The following KCNH8 variants were observed in gnomAD, a reference collection of about 807,000 sequenced individuals.
KCNH8 encodes voltage-gated delayed rectifier potassium channel KCNH8.
KCNH8 carries 70 observed loss-of-function variants against 103.6 expected under a neutral mutation model. The observed-to-expected ratio is 0.68, with a 90% CI of 0.56 to 0.82. KCNH8 has a LOEUF of 0.82. Ranked by LOEUF, KCNH8 falls within the 40% of genes least tolerant of loss-of-function variation. KCNH8 has a pLI of 0.00. For synonymous variants in KCNH8, 498 were observed against 489.4 expected (o/e 1.02, Z -0.23); for missense variants, 1,217 against 1,329.9 (o/e 0.92, Z 1.32).
rs150199369 is a variant in KCNH8 at position 19,457,742 on chromosome 3, T to C, written c.2040+760T>C. 4.4e-3 allele frequency among the ~76,000 whole-genome samples: 676 copies of C among 152,124 alleles called. 6 individuals carry two copies. Among genetic ancestry groups the C allele is most frequent in the South Asian group, 0.019 (94 of 4,828 alleles). ...CCCAGATATTTGTAACTCTTGATTT[T>C]TTTCCTATGTACTTAAGAAGCTATG... is the stretch of plus-strand genomic sequence containing the variant. On this transcript the variant is annotated intron_variant, in intron 11 of 15. Coordinates refer to ENST00000328405, the MANE Select transcript of KCNH8 (RefSeq NM_144633.3).
chr3:19,172,936 A>G (rs1298853424), intron 1 of KCNH8, among the ~76,000 whole-genome samples: 2 of 152,018 alleles, frequency 1.3e-5, no homozygotes, highest in Non-Finnish European at 2.9e-5. Context: ...TCTTGGATGT[A>G]TGTTATTGAA....
At chr3:19,392,325 A>AAG (rs1323508352) in intron 6 of KCNH8, among the ~76,000 whole-genome samples, 1 of 150,358 alleles carries the variant, frequency 6.7e-6, no homozygotes, top group Non-Finnish European at 1.5e-5. Flanking sequence ...TGTCAAAAAA[A>AAG]AAAAAAAAAG....
intron 5 of KCNH8, among the ~76,000 whole-genome samples, chr3:19,351,077 A>G (rs1437278508): frequency 1.3e-5 from 2 of 152,090 alleles, no homozygotes; most frequent in Non-Finnish European, 2.9e-5. Context: ...CATGAGAACT[A>G]TATGACGCAT....
chr3:19,433,758 T>C (rs1349969972), intron 7 of KCNH8, among the ~76,000 whole-genome samples: 3 of 152,236 alleles, frequency 2.0e-5, no homozygotes, highest in Admixed American at 6.5e-5. Flanking sequence ...AAGTCGTAAC[T>C]GCTTTCCTGT....
chr3:19,528,680 C>T (rs575470425), intron 15 of KCNH8, among the ~76,000 whole-genome samples: 3 of 152,010 alleles, frequency 2.0e-5, no homozygotes, highest in South Asian at 4.2e-4. Flanking sequence ...GCAACTTTCC[C>T]CTAAAATATT....
intron 11 of KCNH8, among the ~76,000 whole-genome samples, chr3:19,508,690 T>G (rs6797877): frequency 1.1e-3 from 175 of 152,308 alleles, no homozygotes; most frequent in African/African-American, 4.1e-3. Context: ...CAGTATTACC[T>G]GGGAGCTAAC....
At chr3:19,362,238 A>C (rs1339979329) in intron 5 of KCNH8, among the ~76,000 whole-genome samples, 1 of 152,194 alleles carries the variant, frequency 6.6e-6, no homozygotes, top group Non-Finnish European at 1.5e-5. Flanking sequence ...CTTCATAAAG[A>C]AAATAAAAAT....
chr3:19,504,160 C>A (rs1189699494), intron 11 of KCNH8, among the ~76,000 whole-genome samples: 2 of 152,018 alleles, frequency 1.3e-5, no homozygotes, highest in African/African-American at 4.8e-5. Context: ...TGGAACTGGA[C>A]CCCTTTCTTT....
chr3:19,207,171 A>C (rs901187020), intron 1 of KCNH8, among the ~76,000 whole-genome samples: 4 of 152,054 alleles, frequency 2.6e-5, no homozygotes, highest in African/African-American at 9.7e-5. Flanking sequence ...AAGAGTATAC[A>C]GCAGGAGAGA....
chr3:19,241,754 G>C (rs539875552), intron 1 of KCNH8, among the ~76,000 whole-genome samples: 4 of 146,224 alleles, frequency 2.7e-5, no homozygotes, highest in Non-Finnish European at 5.9e-5. Flanking sequence ...ACACACACAT[G>C]CTTGATAGAA....
chr3:19,520,100 T>TTTAAG (rs1420473714), intron 15 of KCNH8, among the ~76,000 whole-genome samples: 3 of 151,628 alleles, frequency 2.0e-5, no homozygotes, highest in Non-Finnish European at 4.4e-5. Context: ...TAAATTATAC[T>TTTAAG]TTAAGTTCTG....
At chr3:19,465,989 C>A (rs929874386) in intron 11 of KCNH8, among the ~76,000 whole-genome samples, 2 of 152,026 alleles carry the variant, frequency 1.3e-5, no homozygotes, top group Non-Finnish European at 2.9e-5. Context: ...GGCTGGAGTG[C>A]GGTGGCATGA....
intron 5 of KCNH8, among the ~76,000 whole-genome samples, chr3:19,363,415 A>T (rs1559493095): frequency 6.6e-6 from 1 of 152,142 alleles, no homozygotes; most frequent in Admixed American, 6.6e-5. Context: ...CACAACTGGG[A>T]CTTCCAGTAA....
chr3:19,346,447 C>A (rs1382797308), intron 4 of KCNH8, among the ~76,000 whole-genome samples: 5 of 151,980 alleles, frequency 3.3e-5, no homozygotes, highest in African/African-American at 1.2e-4. Context: ...AGTGACCCAC[C>A]ACGAAGTACT....
chr3:19,356,033 AG>A (rs1380622473), intron 5 of KCNH8, among the ~76,000 whole-genome samples: 2 of 151,900 alleles, frequency 1.3e-5, no homozygotes, highest in Non-Finnish European at 1.5e-5. Flanking sequence ...TAGTACAAAA[AG>A]GGTCTAGGAA....
At chr3:19,433,160 T>G (rs970050357) in intron 7 of KCNH8, among the ~76,000 whole-genome samples, 2 of 152,184 alleles carry the variant, frequency 1.3e-5, no homozygotes, top group East Asian at 3.9e-4. Context: ...TCAACTTTTA[T>G]GTAGACTATT....
chr3:19,192,465 A>G (rs1345500637), intron 1 of KCNH8, among the ~76,000 whole-genome samples: 1 of 151,636 alleles, frequency 6.6e-6, no homozygotes, highest in African/African-American at 2.4e-5. Flanking sequence ...TTAAGGCCTT[A>G]TCTGATTGAG....
At chr3:19,532,493 C>G (rs2125255179) in intron 15 of KCNH8, among the ~76,000 whole-genome samples, 1 of 152,258 alleles carries the variant, frequency 6.6e-6, no homozygotes, top group South Asian at 2.1e-4. Context: ...CTGAAGGCCA[C>G]TTTGTCTCTG....
intron 1 of KCNH8, among the ~76,000 whole-genome samples, chr3:19,225,667 G>A (rs530823075): frequency 7.4e-4 from 112 of 152,202 alleles, no homozygotes; most frequent in African/African-American, 2.3e-3. Context: ...AAGGTGGTAC[G>A]TTTTGTTCAT....
Sources: gnomAD v4.1 joint callset for allele counts (sites outside exome capture counted in the v4.1 genomes callset) on GRCh38, gnomAD v4.1.1 for gene constraint, MANE v1.5 for transcripts, NCBI Gene and HGNC (gene_info 2026-07-23, HGNC 2026-07-21) for gene names.